The following CDH6 variants were observed in gnomAD, a reference collection of about 807,000 sequenced individuals.
The protein encoded by CDH6 is cadherin 6.
CDH6 carries 31 observed loss-of-function variants against 78.0 expected under a neutral mutation model. The observed-to-expected ratio is 0.40, with a 90% CI of 0.30 to 0.54. The LOEUF is 0.54. CDH6 is among the 20% of genes least tolerant of loss of function. The probability of loss-of-function intolerance (pLI) is 0.56; values close to 1 mark genes in which losing one functional copy is unlikely to be tolerated. For missense variants in CDH6, 724 were observed against 975.9 expected, an observed-to-expected ratio of 0.74 and a Z score of 3.44; for synonymous variants, 376 against 368.8, an observed-to-expected ratio of 1.02 and a Z score of -0.23.
In CDH6 at chr5:31,292,852, CATATAT is replaced by C. The variant is rs140377309; in HGVS notation, c.229-1093_229-1088del. Among the ~76,000 whole-genome samples the C allele has an allele frequency of 0.011, 96 of 8,788 alleles. 1 individual carries two copies. The South Asian group carries it at 0.21, about 19-fold the overall frequency. The allele number at this position is 8,788 out of a possible 152,430, so 5.8% of individuals were successfully genotyped here. A position where few individuals can be genotyped will look rare whatever the true frequency, so the allele number is the denominator to read the frequency against. ...ATATATATATATATATATATGTGTGCATATATATATATATATATATATGTATGTGTT... is the reference window on the plus strand; with the variant it reads ...ATATATATATATATATATATGTGTGCATATATATATATATATGTATGTGTT... On this transcript the variant is annotated intron_variant, in intron 2 of 11. Coordinates refer to ENST00000265071, the MANE Select transcript of CDH6 (RefSeq NM_004932.4).
intron 8 of CDH6, among the ~76,000 whole-genome samples, chr5:31,314,819 TA>T (rs1288146094): frequency 2.0e-5 from 3 of 152,082 alleles, no homozygotes; most frequent in East Asian, 1.9e-4. Flanking sequence ...CTTTGTGCCT[TA>T]AAAAAAGTTT....
chr5:31,227,578 A>G (rs2111844974), intron 1 of CDH6, among the ~76,000 whole-genome samples: 1 of 152,300 alleles, frequency 6.6e-6, no homozygotes. Context: ...TCAGAGGCAA[A>G]CACCCTAGTT....
intron 11 of CDH6, among the ~76,000 whole-genome samples, chr5:31,319,410 T>G (rs1374423284): frequency 6.6e-6 from 1 of 152,202 alleles, no homozygotes; most frequent in Non-Finnish European, 1.5e-5. Context: ...ACACCATAGG[T>G]CAGATGCTGT....
At position 31,294,835 on chromosome 5, in the gene CDH6, C is replaced by T. The variant is rs1468268420; in HGVS notation, c.523+579C>T. Among the ~76,000 whole-genome samples, 1 of 152,116 alleles carries T rather than the reference C, an allele frequency of 6.6e-6. No homozygotes were observed. Among genetic ancestry groups the T allele is most frequent in the Non-Finnish European group, 1.5e-5 (1 of 68,010 alleles). On this transcript the variant is annotated intron_variant, in intron 3 of 11. Transcript: ENST00000265071. This position sits in a 1 kb window ranked among gnomAD's most constrained non-coding sequence, Gnocchi z 4.1. Reference sequence around the variant, plus strand: ...ACATAGAGTGAATTAATATTTTTTACACAATACCTCTACTTTTTTAAATAA... The same window carrying T: ...ACATAGAGTGAATTAATATTTTTTATACAATACCTCTACTTTTTTAAATAA...
At chr5:31,293,801 T>C (rs184778934) in intron 2 of CDH6, among the ~76,000 whole-genome samples, 161 bp from the exon 3 acceptor site, 1 of 151,788 alleles carries the variant, frequency 6.6e-6, no homozygotes, top group African/African-American at 2.4e-5. Flanking sequence ...TAATGAATGG[T>C]ATTTACCATT....
At chr5:31,214,432 G>T (rs1010914496) in intron 1 of CDH6, among the ~76,000 whole-genome samples, 1 of 152,160 alleles carries the variant, frequency 6.6e-6, no homozygotes. Context: ...GGCTAATGGT[G>T]GTTGCACAAT....
intron 1 of CDH6, among the ~76,000 whole-genome samples, chr5:31,234,168 T>A (rs1186040507): frequency 1.4e-5 from 2 of 146,490 alleles, no homozygotes; most frequent in South Asian, 4.2e-4. Flanking sequence ...ATTTAAAGGT[T>A]TTTTTTATTC....
At chr5:31,202,783 C>G (rs977813283) in intron 1 of CDH6, among the ~76,000 whole-genome samples, 1 of 150,460 alleles carries the variant, frequency 6.6e-6, no homozygotes, top group Non-Finnish European at 1.5e-5. Flanking sequence ...GTATATGTCA[C>G]ATATATATGT....
chr5:31,296,859 T>C (rs1300412647), intron 3 of CDH6, among the ~76,000 whole-genome samples: 1 of 152,058 alleles, frequency 6.6e-6, no homozygotes, highest in Non-Finnish European at 1.5e-5. Flanking sequence ...CACATTACGG[T>C]CCAAGAAAAA....
chr5:31,302,534 C>G (rs1023307909), intron 6 of CDH6: 5 of 355,870 alleles, frequency 1.4e-5, no homozygotes, highest in African/African-American at 1.0e-4. Context: ...ACCAACATGG[C>G]AAAACCTATC....
Position 31,241,856 on chromosome 5 carries a change from A to C in CDH6, c.-128-25490A>C, listed in dbSNP as rs150785938. On this transcript the variant is annotated intron_variant, in intron 1 of 11. Coordinates refer to ENST00000265071, the MANE Select transcript of CDH6 (RefSeq NM_004932.4). ...ACCATGTGCCTAGAAGGAAAAAGGA[A>C]ATGTGTTTTCGTGCCTATATTGCAG... 5.3e-5 allele frequency among the ~76,000 whole-genome samples: 8 copies of C among 152,298 alleles called. No homozygotes were observed. In the East Asian group the frequency reaches 1.5e-3, roughly 29 times the overall value.
chr5:31,287,078 A>G (rs1743031327), intron 2 of CDH6, among the ~76,000 whole-genome samples: 1 of 152,006 alleles, frequency 6.6e-6, no homozygotes, highest in African/African-American at 2.4e-5. Flanking sequence ...TATATTCTTG[A>G]CTCCAGATCT....
chr5:31,246,996 C>T (rs1460710761), intron 1 of CDH6, among the ~76,000 whole-genome samples: 3 of 152,184 alleles, frequency 2.0e-5, no homozygotes, highest in African/African-American at 4.8e-5. Flanking sequence ...GGTGATCTGC[C>T]TGCCTTAGCC....
chr5:31,248,997 GT>G (rs144390712), intron 1 of CDH6, among the ~76,000 whole-genome samples: 7 of 151,766 alleles, frequency 4.6e-5, no homozygotes, highest in East Asian at 1.9e-4. Context: ...AATGCAGAGG[GT>G]TTTTTTTCCC....
At position 31,323,241 on chromosome 5, in the gene CDH6, A is replaced by G; in HGVS notation, c.2306A>G (p.Asp769Gly). The G allele has an allele frequency of 6.2e-7, 1 of 1,614,174 alleles. No individual in the cohort carries two copies. The highest frequency in any genetic ancestry group is 2.2e-5 in the East Asian group (1 of 44,890). ...DADQDYDYLS[D>G]WGPRFKKLAD... is the part of the protein sequence containing the mutation. ...GATCAAGACTATGATTACCTTAGTG[A>G]CTGGGGACCTCGATTCAAAAAGCTT... Residue 769 changes from aspartate to glycine, a missense_variant, in exon 12 of 12, where the codon GAC (aspartate) becomes GGC (glycine). By Grantham distance (94) the Asp-to-Gly change is moderately conservative. Transcript: ENST00000265071.
chr5:31,202,016 T>G (rs1048800812), intron 1 of CDH6, among the ~76,000 whole-genome samples: 3 of 152,192 alleles, frequency 2.0e-5, no homozygotes, highest in African/African-American at 7.2e-5. Context: ...AGCGGATAAT[T>G]CAGTGGGAAA....
At chr5:31,215,583 CT>C (rs201375147) in intron 1 of CDH6, among the ~76,000 whole-genome samples, 8 of 151,440 alleles carry the variant, frequency 5.3e-5, no homozygotes, top group Middle Eastern at 3.4e-3. Context: ...GTCTATTTCT[CT>C]TTTTTTTTCT....
chr5:31,247,555 T>C (rs1741786639), intron 1 of CDH6, among the ~76,000 whole-genome samples: 1 of 152,200 alleles, frequency 6.6e-6, no homozygotes, highest in African/African-American at 2.4e-5. Flanking sequence ...TCACAGGCAA[T>C]TGCCACTACA....
At position 31,317,373 on chromosome 5, in the gene CDH6, A is replaced by G; in HGVS notation, c.1513-2A>G. ...ATGGCAGCGTTTTGGTTTTTCTCTTAGTTGATTCAGACCCTGCATGCTGTT... is the reference window on the plus strand; with the variant it reads ...ATGGCAGCGTTTTGGTTTTTCTCTTGGTTGATTCAGACCCTGCATGCTGTT... On this transcript the variant is annotated splice_acceptor_variant, in intron 9 of 11. Transcript: ENST00000265071. LOFTEE classifies it high-confidence loss of function. 2 of 1,469,638 alleles carry G rather than the reference A, an allele frequency of 1.4e-6. No homozygotes were observed. The highest frequency in any genetic ancestry group is 1.9e-6 in the Non-Finnish European group (2 of 1,065,166). The allele number at this position is 1,469,638 out of a possible 1,614,324, so 91.0% of individuals were successfully genotyped here.
Sources: gnomAD v4.1 joint callset for allele counts (sites outside exome capture counted in the v4.1 genomes callset) on GRCh38, gnomAD v4.1.1 for gene constraint, Gnocchi (gnomAD v3.1) non-coding constraint, MANE v1.5 for transcripts, NCBI Gene and HGNC (gene_info 2026-07-23, HGNC 2026-07-21) for gene names.